VAT1L: variants seen among roughly 807,000 people sequenced by gnomAD.
VAT1L encodes vesicle amine transport 1 like.
A neutral mutation model predicts 44.1 loss-of-function variants in VAT1L; 34 were observed. The observed-to-expected ratio is 0.77, with a 90% confidence interval of 0.59 to 1.03. The LOEUF (loss-of-function observed/expected upper bound fraction) is 1.03, where lower values mean the gene tolerates loss of function less well. Ranked by LOEUF, VAT1L falls within the 50% of genes least tolerant of loss-of-function variation. The pLI is 0.00. For synonymous variants in VAT1L, 253 were observed against 202.2 expected, an observed-to-expected ratio of 1.25 and a Z score of -2.13; for missense variants, 615 against 538.8, an observed-to-expected ratio of 1.14 and a Z score of -1.40.
intron 7 of VAT1L, among the ~76,000 whole-genome samples, chr16:77,912,532 C>G (rs894106687): frequency 2.0e-5 from 3 of 152,122 alleles, no homozygotes; most frequent in South Asian, 2.1e-4. Context: ...GTCCTCCCTC[C>G]TTGGCCTCCC....
Position 77,825,463 on chromosome 16 carries a change from T to G in VAT1L, c.579+2T>G. Reference sequence around the variant, plus strand: ...GTGCACTCAGCTGGTGGGGGCGTGGTAAGTCAGCTGTTTGTAACTTCTCTT... The same window carrying G: ...GTGCACTCAGCTGGTGGGGGCGTGGGAAGTCAGCTGTTTGTAACTTCTCTT... On this transcript the variant is annotated splice_donor_variant, in intron 3 of 8. Transcript: ENST00000302536. LOFTEE classifies it high-confidence loss of function. The G allele has an allele frequency of 6.4e-7, 1 of 1,574,132 alleles. No individual in the cohort carries two copies. The highest frequency in any genetic ancestry group is 8.6e-7 in the Non-Finnish European group (1 of 1,158,466).
At chr16:77,823,703 A>C (rs2016486421) in intron 2 of VAT1L, among the ~76,000 whole-genome samples, 1 of 152,226 alleles carries the variant, frequency 6.6e-6, no homozygotes, top group Non-Finnish European at 1.5e-5. Context: ...CATAGATTTC[A>C]TAGTGATCAA....
chr16:77,947,721 C>G (rs2142519906), intron 7 of VAT1L, among the ~76,000 whole-genome samples: 1 of 152,310 alleles, frequency 6.6e-6, no homozygotes, highest in African/African-American at 2.4e-5. Context: ...GTTCTCTTGC[C>G]TGAGTGTATG....
At chr16:77,804,818 C>G (rs2966064) in intron 1 of VAT1L, among the ~76,000 whole-genome samples, 80,476 of 152,074 alleles carry the variant, frequency 0.53, 23,361 homozygotes, top group South Asian at 0.7. Flanking sequence ...TTTAGCAAGT[C>G]CCACTGCAAA....
intron 7 of VAT1L, among the ~76,000 whole-genome samples, chr16:77,938,932 G>T (rs551643600): frequency 6.6e-6 from 1 of 152,240 alleles, no homozygotes; most frequent in East Asian, 1.9e-4. Flanking sequence ...AGGAGTGTGG[G>T]GATGGGAGAG....
At chr16:77,938,499 A>G (rs1243098671) in intron 7 of VAT1L, among the ~76,000 whole-genome samples, 1 of 152,062 alleles carries the variant, frequency 6.6e-6, no homozygotes, top group Non-Finnish European at 1.5e-5. Context: ...GATCATGGGG[A>G]TTAGCACCAT....
chr16:77,885,499 G>C (rs936373340), intron 7 of VAT1L, among the ~76,000 whole-genome samples: 7 of 152,114 alleles, frequency 4.6e-5, no homozygotes, highest in African/African-American at 1.7e-4. Flanking sequence ...GTTAATGGCA[G>C]CTCCTTGTAG....
chr16:77,937,990 T>G (rs1215798017), intron 7 of VAT1L, among the ~76,000 whole-genome samples: 1 of 152,238 alleles, frequency 6.6e-6, no homozygotes, highest in African/African-American at 2.4e-5. Flanking sequence ...TGCTACTATT[T>G]GGAAAGAATG....
intron 3 of VAT1L, among the ~76,000 whole-genome samples, chr16:77,829,953 G>T (rs1006617138): frequency 6.6e-6 from 1 of 152,152 alleles, no homozygotes; most frequent in African/African-American, 2.4e-5. Flanking sequence ...GGAAGCTGAG[G>T]GTTAGAGAAA....
chr16:77,913,060 G>A (rs1000192442), intron 7 of VAT1L, among the ~76,000 whole-genome samples: 1 of 152,116 alleles, frequency 6.6e-6, no homozygotes, highest in Non-Finnish European at 1.5e-5. Context: ...ATTTGCGGGG[G>A]TGGGGTCATA....
chr16:77,959,807 T>C (rs992113327), intron 7 of VAT1L, among the ~76,000 whole-genome samples: 2 of 152,312 alleles, frequency 1.3e-5, no homozygotes, highest in Middle Eastern at 3.4e-3. Context: ...TGAGGGGAGA[T>C]AGGAGGTTCT....
At chr16:77,866,215 T>G (rs927647883) in intron 4 of VAT1L, among the ~76,000 whole-genome samples, 10 of 152,342 alleles carry the variant, frequency 6.6e-5, no homozygotes, top group African/African-American at 2.4e-4. Flanking sequence ...TCATTGTAAG[T>G]GCTCAGCACA....
At position 77,971,951 on chromosome 16, in the gene VAT1L, G is replaced by C. The variant is rs747892381; in HGVS notation, c.1161+18G>C. The C allele has an allele frequency of 1.1e-5, 18 of 1,610,600 alleles. No individual in the cohort carries two copies. The East Asian group carries it at 3.8e-4, about 34-fold the overall frequency. On this transcript the variant is annotated intron_variant, in intron 8 of 8. Transcript: ENST00000302536. ...CTCCACTGGTGAGTGAAAAGCAGAG[G>C]AGTCTGTTCAGTTCCACGCGAGAGA...
intron 7 of VAT1L, among the ~76,000 whole-genome samples, chr16:77,920,943 G>C (rs2017605177): frequency 6.6e-6 from 1 of 151,286 alleles, no homozygotes; most frequent in Non-Finnish European, 1.5e-5. Flanking sequence ...GTGTGTGTGT[G>C]TGTGTAGTGT....
chr16:77,974,123 C>T (rs2018309872), intron 8 of VAT1L, among the ~76,000 whole-genome samples: 1 of 152,096 alleles, frequency 6.6e-6, no homozygotes, highest in Non-Finnish European at 1.5e-5. Flanking sequence ...TGTAAAACAC[C>T]CTCTTGTTAA....
intron 8 of VAT1L, 129 bp from the exon 9 acceptor site, chr16:77,977,459 TCCTGCATTG>T: frequency 1.3e-6 from 1 of 760,230 alleles, no homozygotes; most frequent in South Asian, 1.8e-5. Context: ...TGACAGCTAA[TCCTGCATTG>T]CCTTCCAGGG....
chr16:77,823,842 C>A (rs911939495), intron 2 of VAT1L, among the ~76,000 whole-genome samples: 1 of 152,048 alleles, frequency 6.6e-6, no homozygotes, highest in East Asian at 1.9e-4. Flanking sequence ...GGTGAAACCC[C>A]GTCTCTAATA....
At chr16:77,921,610 C>G (rs1217147521) in intron 7 of VAT1L, among the ~76,000 whole-genome samples, 1 of 152,154 alleles carries the variant, frequency 6.6e-6, no homozygotes, top group Admixed American at 6.5e-5. Flanking sequence ...GTTCCTCTTA[C>G]CTGTGACTTA....
intron 7 of VAT1L, among the ~76,000 whole-genome samples, chr16:77,906,553 G>T (rs1014707152): frequency 1.3e-5 from 2 of 152,226 alleles, no homozygotes; most frequent in African/African-American, 4.8e-5. Context: ...GAGAAGAAGA[G>T]CATCTGGAAA....
Sources: gnomAD v4.1 joint callset for allele counts (sites outside exome capture counted in the v4.1 genomes callset) on GRCh38, gnomAD v4.1.1 for gene constraint, MANE v1.5 for transcripts, NCBI Gene and HGNC (gene_info 2026-07-23, HGNC 2026-07-21) for gene names.